Variants in DOP1A observed in about 807,000 individuals in gnomAD.
DOP1A encodes DOP1 leucine zipper like protein A.
In DOP1A, 90 loss-of-function variants were observed where a neutral mutation model predicts 267.6. The observed-to-expected ratio is 0.34, with a 90% CI of 0.28 to 0.40. The LOEUF (loss-of-function observed/expected upper bound fraction) is 0.40. Among genes scored for constraint, DOP1A ranks in the 10% least tolerant of loss-of-function variants. The probability of loss-of-function intolerance (pLI) is 1.00; values close to 1 mark genes in which losing one functional copy is unlikely to be tolerated. For missense variants in DOP1A, 2,437 were observed against 2,900.4 expected, an observed-to-expected ratio of 0.84 and a Z score of 3.67; for synonymous variants, 932 against 999.1, an observed-to-expected ratio of 0.93 and a Z score of 1.27.
intron 20 of DOP1A, among the ~76,000 whole-genome samples, chr6:83,136,162 C>G (rs1261160980): frequency 6.6e-6 from 1 of 152,070 alleles, no homozygotes; most frequent in Non-Finnish European, 1.5e-5. Context: ...ATCTTTAGAG[C>G]TTAGTTAGCA....
intron 20 of DOP1A, among the ~76,000 whole-genome samples, 182 bp from the exon 21 acceptor site, chr6:83,136,991 T>TG (rs1197903986): frequency 6.6e-6 from 1 of 152,084 alleles, no homozygotes; most frequent in African/African-American, 2.4e-5. Context: ...ATAACTAAAG[T>TG]GAGGTATTAA....
At chr6:83,130,087 A>G (rs766395309) in intron 16 of DOP1A, 36 bp from the exon 17 acceptor site, 23 of 1,598,540 alleles carry the variant, frequency 1.4e-5, no homozygotes, top group Non-Finnish European at 1.9e-5. Flanking sequence ...AATGTTTAGT[A>G]TAATGAACTC....
In DOP1A at chr6:83,148,764, C is replaced by G. The variant is rs1418087470; in HGVS notation, c.5738C>G (p.Pro1913Arg). Residue 1913 changes from proline to arginine, a missense_variant, in exon 27 of 39, where the codon CCA becomes CGA. Coordinates refer to ENST00000349129, the MANE Select transcript of DOP1A (RefSeq NM_015018.4). ...TAAACTATATTATCTTGCAGAATTC[C>G]AGTGCCCAATTTAGTGGATAGCTGG... ...QFFYAYIQRI[P>R]VPNLVDSWAS... is the part of the protein sequence containing the mutation. 6.5e-7 allele frequency: 1 copy of G among 1,546,394 alleles called. No homozygotes were observed. The highest frequency in any genetic ancestry group is 8.7e-7 in the Non-Finnish European group (1 of 1,155,678).
chr6:83,128,802 A>C, intron 15 of DOP1A, 85 bp from the exon 16 acceptor site: 1 of 1,453,466 alleles, frequency 6.9e-7, no homozygotes, highest in South Asian at 1.4e-5. Context: ...TGAATAGTCT[A>C]AAACATCTCA....
intron 19 of DOP1A, 25 bp from the exon 20 acceptor site, chr6:83,135,594 T>C (rs1285578177): frequency 6.3e-7 from 1 of 1,593,064 alleles, no homozygotes; most frequent in South Asian, 1.1e-5. Flanking sequence ...TGGTTCTTTA[T>C]TTTAATTATT....
At position 83,138,128 on chromosome 6, in the gene DOP1A, T is replaced by C. The variant is rs1779121039; in HGVS notation, c.4086T>C (p.Ile1362=). The change falls in exon 21 of 39, where the codon ATT becomes ATC. Residue 1362 remains isoleucine, a synonymous_variant. Transcript: ENST00000349129. ...PGSRKSPNFN[I]HPLYQHVLLY... is the part of the protein sequence containing the mutation. Reference sequence around the variant, plus strand: ...CTCGAAAATCTCCCAATTTCAACATTCATCCTCTCTATCAACATGTGCTCC... The same window carrying C: ...CTCGAAAATCTCCCAATTTCAACATCCATCCTCTCTATCAACATGTGCTCC... The C allele has an allele frequency of 6.2e-7, 1 of 1,613,838 alleles. No homozygotes were observed. The highest frequency in any genetic ancestry group is 1.3e-5 in the African/African-American group (1 of 74,908).
rs137866005 is a variant in DOP1A at position 83,080,857 on chromosome 6, C to A, written c.-147+13078C>A. The stretch of plus-strand genomic sequence containing the variant: ...AACAATCTACAGATTCAATACAATT[C>A]CTATCAAAAGACCAATGACATTCTT... On this transcript the variant is annotated intron_variant, in intron 1 of 38. Transcript: ENST00000349129. 1.5e-4 allele frequency among the ~76,000 whole-genome samples: 23 copies of A among 152,182 alleles called. No homozygotes were observed. In the East Asian group the frequency reaches 2.9e-3, roughly 19 times the overall value.
intron 38 of DOP1A, chr6:83,166,253 G>C: frequency 1.9e-6 from 1 of 524,876 alleles, no homozygotes; most frequent in East Asian, 2.9e-5. Flanking sequence ...TTGAGTTCTT[G>C]GGCAGCTCTC....
rs746138506 is a variant in DOP1A, at chr6:83,138,312, GC to G, written c.4272del (p.Arg1425AspfsTer29). The stretch of plus-strand genomic sequence containing the variant: ...GTTGTCTCTCCTTCAGAATCTATTG[GC>G]CAGACACCGGATTTCTGTTATGGGC... Reference protein sequence around the residue: ...PQLSLLQNLLARHRISVMGKD... With the variant: ...PQLSLLQNLLXRHRISVMGKD... On this transcript the variant is annotated frameshift_variant, in exon 21 of 39. Coordinates refer to ENST00000349129, the MANE Select transcript of DOP1A (RefSeq NM_015018.4). LOFTEE classifies it high-confidence loss of function. 1 of 1,612,282 alleles carries G rather than the reference GC, an allele frequency of 6.2e-7. No individual in the cohort carries two copies.
At chr6:83,095,578 G>A (rs1300869162) in intron 1 of DOP1A, among the ~76,000 whole-genome samples, 2 of 152,122 alleles carry the variant, frequency 1.3e-5, no homozygotes, top group Admixed American at 1.3e-4. Context: ...TTAAAGGGGA[G>A]CCACATTGGT....
rs531982251 is a variant in DOP1A at position 83,138,212 on chromosome 6, C to T, written c.4170C>T (p.Ala1390=). The change falls in exon 21 of 39, where the codon GCC becomes GCT. Residue 1390 remains alanine, a synonymous_variant. Transcript: ENST00000349129. ...RTLYAFSAIK[A]ILKTNPIAFV... is the part of the protein sequence containing the mutation. ...TGTATGCTTTCTCTGCCATCAAAGC[C>T]ATCTTGAAAACTAACCCTATAGCTT... 3 of 1,613,684 alleles carry T rather than the reference C, an allele frequency of 1.9e-6. No individual in the cohort carries two copies. The highest frequency in any genetic ancestry group is 2.7e-5 in the African/African-American group (2 of 75,028).
chr6:83,152,599 T>C (rs1781912554), intron 30 of DOP1A, among the ~76,000 whole-genome samples: 1 of 151,670 alleles, frequency 6.6e-6, no homozygotes, highest in Non-Finnish European at 1.5e-5. Flanking sequence ...CCTATTCTTT[T>C]TTATGTGTTT....
intron 12 of DOP1A, 44 bp from the exon 13 acceptor site, chr6:83,124,661 A>G (rs565913949): frequency 1.9e-5 from 26 of 1,380,552 alleles, no homozygotes; most frequent in African/African-American, 4.3e-5. Flanking sequence ...AGGTATTCAC[A>G]TCACTTGACA....
At chr6:83,090,345 A>G (rs1770115060) in intron 1 of DOP1A, among the ~76,000 whole-genome samples, 1 of 152,314 alleles carries the variant, frequency 6.6e-6, no homozygotes, top group South Asian at 2.1e-4. Context: ...GATTTAGGTC[A>G]TCTTGACTTT....
rs1418129415 is a variant in DOP1A, at chr6:83,138,889, A to T, written c.4847A>T (p.His1616Leu). Reference protein sequence around the residue: ...GFDFVVSDLEHISPHQPMTSL... With the variant: ...GFDFVVSDLELISPHQPMTSL... Reference sequence around the variant, plus strand: ...GATTTTGTTGTATCTGACTTAGAACACATCAGTCCCCATCAACCCATGACT... The same window carrying T: ...GATTTTGTTGTATCTGACTTAGAACTCATCAGTCCCCATCAACCCATGACT... The change falls in exon 21 of 39, where the codon CAC (histidine) becomes CTC (leucine). Residue 1616 changes from histidine to leucine, a missense_variant. Physicochemically the swap from His to Leu is moderately conservative, Grantham distance 99 (BLOSUM62 -3). Coordinates refer to ENST00000349129, the MANE Select transcript of DOP1A (RefSeq NM_015018.4). The T allele has an allele frequency of 1.2e-6, 2 of 1,614,030 alleles. No homozygotes were observed. The highest frequency in any genetic ancestry group is 4.5e-5 in the East Asian group (2 of 44,872).
intron 3 of DOP1A, among the ~76,000 whole-genome samples, chr6:83,097,528 A>T (rs1771713530): frequency 6.6e-6 from 1 of 152,226 alleles, no homozygotes; most frequent in Admixed American, 6.5e-5. Flanking sequence ...CAACAAGGAA[A>T]CATTTTCTAT....
intron 20 of DOP1A, among the ~76,000 whole-genome samples, chr6:83,136,421 CTTAGA>C (rs955844061): frequency 2.0e-5 from 3 of 152,088 alleles, no homozygotes; most frequent in Non-Finnish European, 4.4e-5. Context: ...ATATTGTCCC[CTTAGA>C]TTAATTTATT....
chr6:83,151,519 C>T (rs1925781), intron 27 of DOP1A, 74 bp from the exon 28 acceptor site: 56 of 1,182,504 alleles, frequency 4.7e-5, no homozygotes, highest in Middle Eastern at 4.2e-4. Flanking sequence ...CTTAACTCAT[C>T]GTGAGAAATT....
In DOP1A at chr6:83,137,896, C is replaced by G. The variant is rs1340268178; in HGVS notation, c.3854C>G (p.Thr1285Arg). The G allele has an allele frequency of 6.2e-7, 1 of 1,612,892 alleles. No individual in the cohort carries two copies. Among genetic ancestry groups the G allele is most frequent in the East Asian group, 2.2e-5 (1 of 44,840 alleles). ...KLSEKVSEKE[T>R]IVKESGKQPG... Reference sequence around the variant, plus strand: ...TCAGAAAAAGTTTCGGAGAAGGAAACAATAGTTAAGGAGTCAGGTAAACAA... The same window carrying G: ...TCAGAAAAAGTTTCGGAGAAGGAAAGAATAGTTAAGGAGTCAGGTAAACAA... The change falls in exon 21 of 39, where the codon ACA becomes AGA. Residue 1285 changes from threonine (T) to arginine (R), a missense_variant. Transcript: ENST00000349129.
Sources: allele counts gnomAD v4.1 joint callset (sites outside exome capture counted in the v4.1 genomes callset), GRCh38; gene constraint gnomAD v4.1.1; transcripts MANE v1.5; gene names NCBI Gene and HGNC (gene_info 2026-07-23, HGNC 2026-07-21).